Variants in RPS3 observed in about 807,000 individuals in gnomAD.
RPS3 encodes the protein small ribosomal subunit protein uS3.
In RPS3, 2 loss-of-function variants were observed where a neutral mutation model predicts 25.8. The ratio of observed to expected loss-of-function variants is 0.08; its 90% confidence interval spans 0.03 to 0.24. RPS3 has a LOEUF of 0.24. Ranked by LOEUF, RPS3 falls within the 10% of genes least tolerant of loss-of-function variation. The pLI, the probability that RPS3 is intolerant of heterozygous loss-of-function variation, is 1.00. For missense variants in RPS3, 107 were observed against 307.1 expected (o/e 0.35, Z 4.87); for synonymous variants, 114 against 114.2 (o/e 1.00, Z 0.01).
intron 1 of RPS3, chr11:75,400,395 G>A (rs749116964): frequency 1.9e-6 from 1 of 539,262 alleles, no homozygotes; most frequent in Non-Finnish European, 3.7e-6. Flanking sequence ...TAAACCCTTC[G>A]ATGAAGAGAT....
chr11:75,421,220 T>G (rs12269891), intron 6 of RPS3, among the ~76,000 whole-genome samples: 3,003 of 152,150 alleles, frequency 0.02, 111 homozygotes, highest in African/African-American at 0.069. Context: ...GGGCCTTTAC[T>G]CCTGCCATGA....
intron 4 of RPS3, 38 bp from the exon 5 acceptor site, chr11:75,403,982 T>C: frequency 1.3e-6 from 2 of 1,578,360 alleles, no homozygotes; most frequent in Non-Finnish European, 1.7e-6. Context: ...TGGAGGTCCT[T>C]GGCAATAACA....
In RPS3 at chr11:75,418,560, T is replaced by G. The variant is rs531490865; in HGVS notation, c.*4-3167T>G. Among the ~76,000 whole-genome samples the G allele has an allele frequency of 2.0e-5, 3 of 152,340 alleles. No homozygotes were observed. In the South Asian group the frequency reaches 6.2e-4, roughly 32 times the overall value. On this transcript the variant is annotated intron_variant, in intron 6 of 6. Transcript: ENST00000527446. ...ATTGAAAGATTTGTTTAATGCACTC[T>G]TCTTCAAGGATAGTATTCCTGTGTT...
rs138295736 is a variant in RPS3 at position 75,405,539 on chromosome 11, G to T, written c.*4-75G>T. ...GTTGCTGCAAACCCTAAGTGGGAGT[G>T]TGTATCCATTTGGTAAATCAGGAAC... On this transcript the variant is annotated intron_variant, in intron 6 of 6. Transcript: ENST00000531188. 189 of 451,812 alleles carry T rather than the reference G, an allele frequency of 4.2e-4. 3 individuals are homozygous for T. The East Asian group carries it at 0.012, about 28-fold the overall frequency. 28.0% of individuals were successfully genotyped at this position (451,812 alleles called of 1,614,324 possible). A position where few individuals can be genotyped will look rare whatever the true frequency, so the allele number is the denominator to read the frequency against.
At chr11:75,407,576 A>G (rs1357559676), downstream of RPS3, among the ~76,000 whole-genome samples, 1 of 151,590 alleles carries the variant, frequency 6.6e-6, no homozygotes, top group African/African-American at 2.4e-5. Flanking sequence ...GGTTCACACC[A>G]TCCTACCTCA....
At chr11:75,406,986 T>G (rs967762973), downstream of RPS3, 5 of 152,172 alleles carry the variant, frequency 3.3e-5, no homozygotes, top group Non-Finnish European at 5.9e-5. Flanking sequence ...CTGGGGATTT[T>G]GGTATTTGAA....
chr11:75,413,536 A>G (rs1027847706), intron 6 of RPS3, among the ~76,000 whole-genome samples: 5 of 152,202 alleles, frequency 3.3e-5, no homozygotes, highest in East Asian at 1.9e-4. Context: ...GATTACAGGC[A>G]TGAGCCACCG....
intron 2 of RPS3, 129 bp downstream of exon 2, chr11:75,400,953 G>C (rs1382552095): frequency 3.1e-6 from 4 of 1,285,102 alleles, no homozygotes; most frequent in Non-Finnish European, 4.0e-6. Context: ...CGCGATCTCG[G>C]CTCACTGCAA....
chr11:75,400,394 C>T (rs1209913523), intron 1 of RPS3: 1 of 539,278 alleles, frequency 1.9e-6, no homozygotes, highest in Non-Finnish European at 3.7e-6. Context: ...TTAAACCCTT[C>T]GATGAAGAGA....
chr11:75,404,613 T>G lies in RPS3; in HGVS notation c.539-59T>G, dbSNP rs760555992. On this transcript the variant is annotated intron_variant, in intron 5 of 6. Transcript: ENST00000531188. The surrounding 1 kb of genome is among the most constrained non-coding windows in gnomAD (Gnocchi z 4.6). Reference sequence around the variant, plus strand: ...AGTAAACTGCTTGCTCTCTTTGGTCTTGTGTGATGGGGGCCTTTGAGACCC... The same window carrying G: ...AGTAAACTGCTTGCTCTCTTTGGTCGTGTGTGATGGGGGCCTTTGAGACCC... The G allele has an allele frequency of 1.3e-5, 20 of 1,536,134 alleles. No homozygotes were observed. The Middle Eastern group carries it at 1.0e-3, about 78-fold the overall frequency.
At chr11:75,409,197 AT>A (rs1268469985), downstream of RPS3, among the ~76,000 whole-genome samples, 33 of 146,118 alleles carry the variant, frequency 2.3e-4, no homozygotes, top group Non-Finnish European at 3.6e-4. Context: ...TTATTTATTT[AT>A]TTTTTTATTG....
At chr11:75,403,637 A>C (rs1948242766) in intron 4 of RPS3, 1 of 162,556 alleles carries the variant, frequency 6.2e-6, no homozygotes, top group Admixed American at 6.2e-5. Context: ...GTGGAGTGTA[A>C]ATGTGGTTCT....
downstream of RPS3, among the ~76,000 whole-genome samples, chr11:75,410,855 G>A (rs1023928334): frequency 3.9e-5 from 6 of 152,260 alleles, no homozygotes; most frequent in East Asian, 1.9e-4. Context: ...GCGTGGCGGC[G>A]CGCGCCTGCA....
rs1301427999 is a variant in RPS3, at chr11:75,404,369, G to A, written c.538+162G>A. ...TGATCTGTAAGAATCGATTTGCTGA[G>A]ATCTGTCAGATCCAAGAGTTGGTTT... On this transcript the variant is annotated intron_variant, in intron 5 of 6. Coordinates refer to ENST00000531188, the MANE Select transcript of RPS3 (RefSeq NM_001005.5). This position sits in a 1 kb window ranked among gnomAD's most constrained non-coding sequence, Gnocchi z 4.6. The A allele has an allele frequency of 4.9e-6, 4 of 811,186 alleles. No homozygotes were observed. The African/African-American group carries it at 5.0e-5, about 10-fold the overall frequency. 50.2% of individuals were successfully genotyped at this position (811,186 alleles called of 1,614,324 possible).
chr11:75,417,594 C>T (rs974657101), intron 6 of RPS3, among the ~76,000 whole-genome samples: 1 of 152,052 alleles, frequency 6.6e-6, no homozygotes, highest in Admixed American at 6.6e-5. Flanking sequence ...GAGACTCCGT[C>T]ACACACACAC....
rs1015110505 is a variant in RPS3, at chr11:75,406,495, G to A, written c.*885G>A. On this transcript the variant is annotated 3_prime_UTR_variant, in exon 7 of 7. Coordinates refer to ENST00000531188, the MANE Select transcript of RPS3 (RefSeq NM_001005.5). ...TGGCTCCACAGATGGCTTAGCAGGT[G>A]CTGTGATGATTTGGTTTTCTTCTCA... 1 of 152,234 alleles carries A rather than the reference G, an allele frequency of 6.6e-6. No homozygotes were observed. Among genetic ancestry groups the A allele is most frequent in the African/African-American group, 2.4e-5 (1 of 41,450 alleles). The allele number at this position is 152,234 out of a possible 1,614,324, so 9.4% of individuals were successfully genotyped here. A position where few individuals can be genotyped will look rare whatever the true frequency, so the allele number is the denominator to read the frequency against.
downstream of RPS3, among the ~76,000 whole-genome samples, chr11:75,410,403 G>C (rs2135065210): frequency 6.6e-6 from 1 of 152,126 alleles, no homozygotes; most frequent in East Asian, 1.9e-4. Flanking sequence ...CGGCCGGGCA[G>C]AGACGCTGCT....
In RPS3 at chr11:75,404,567, G is replaced by T; in HGVS notation, c.539-105G>T. On this transcript the variant is annotated intron_variant, in intron 5 of 6. Transcript: ENST00000531188. This position sits in a 1 kb window ranked among gnomAD's most constrained non-coding sequence, Gnocchi z 4.6. ...ATTTAGAGGCATTTGTCTGAGAAGG[G>T]TCCAGACCCAGGGGTGCTTGAGTAA... is the stretch of plus-strand genomic sequence containing the variant. The T allele has an allele frequency of 9.0e-7, 1 of 1,113,904 alleles. No individual in the cohort carries two copies. Among genetic ancestry groups the T allele is most frequent in the Non-Finnish European group, 1.4e-6 (1 of 724,586 alleles). 69.0% of individuals were successfully genotyped at this position (1,113,904 alleles called of 1,614,324 possible). A position where few individuals can be genotyped will look rare whatever the true frequency, so the allele number is the denominator to read the frequency against.
At chr11:75,407,342 T>A (rs558387005), downstream of RPS3, among the ~76,000 whole-genome samples, 2 of 152,148 alleles carry the variant, frequency 1.3e-5, no homozygotes, top group African/African-American at 4.8e-5. Context: ...TTCCCCATGT[T>A]GGCCAGGCTG....
Sources: allele counts gnomAD v4.1 joint callset (sites outside exome capture counted in the v4.1 genomes callset), GRCh38; gene constraint gnomAD v4.1.1; non-coding constraint Gnocchi (gnomAD v3.1); transcripts MANE v1.5; gene names NCBI Gene and HGNC (gene_info 2026-07-23, HGNC 2026-07-21).